The following CD300LD variants were observed in gnomAD, a reference collection of about 807,000 sequenced individuals.
CD300LD encodes CMRF35-like molecule 5.
A neutral mutation model predicts 20.3 loss-of-function variants in CD300LD; 18 were observed. The observed-to-expected ratio is 0.89, with a 90% CI of 0.61 to 1.32. The LOEUF is 1.32. Ranked by LOEUF, CD300LD falls within the 40% of genes most tolerant of loss-of-function variation. The probability of loss-of-function intolerance (pLI) is 0.00; values close to 1 mark genes in which losing one functional copy is unlikely to be tolerated. For synonymous variants in CD300LD, 104 were observed against 90.1 expected (o/e 1.15, Z -0.87); for missense variants, 195 against 226.6 (o/e 0.86, Z 0.90).
intron 2 of CD300LD, among the ~76,000 whole-genome samples, chr17:74,586,948 G>A (rs549117524): frequency 2.1e-4 from 32 of 152,164 alleles, no homozygotes; most frequent in South Asian, 1.9e-3. Context: ...TTGGGAGTTC[G>A]AGACCAGCCT....
rs200235728 is a variant in CD300LD, at chr17:74,588,523, T to C, written c.367A>G (p.Thr123Ala). The change falls in exon 2 of 4, where the codon ACC (threonine) becomes GCC (alanine). Residue 123 changes from threonine (T) to alanine (A), a missense_variant. Physicochemically the swap from Thr to Ala is moderately conservative, Grantham distance 58. Transcript: ENST00000375352. ...GIDLGVKVQV[T>A]INPGTQTAVS... ...CACTCCCTCTTACCTGGGTTAATGGTCACTTGAACTTTGACCCCAAGATCA... is the reference window on the plus strand; with the variant it reads ...CACTCCCTCTTACCTGGGTTAATGGCCACTTGAACTTTGACCCCAAGATCA... The C allele has an allele frequency of 6.2e-7, 1 of 1,609,196 alleles. No homozygotes were observed. The highest frequency in any genetic ancestry group is 8.5e-7 in the Non-Finnish European group (1 of 1,176,744).
At chr17:74,589,583 C>T (rs1237345706) in intron 1 of CD300LD, among the ~76,000 whole-genome samples, 5 of 152,214 alleles carry the variant, frequency 3.3e-5, no homozygotes, top group African/African-American at 7.2e-5. Flanking sequence ...CTAATTAGCT[C>T]CACTTTTCAA....
rs769991291 is a variant in CD300LD, at chr17:74,592,209, G to GTCTCC, written c.-12_-8dup. The GTCTCC allele has an allele frequency of 3.8e-5, 61 of 1,614,020 alleles. No homozygotes were observed. In the East Asian group the frequency reaches 3.8e-4, roughly 10 times the overall value. ...GAGATGGGGACAGCCACATGGTCCT[G>GTCTCC]TCTCCTCTCCTCTCCTTGGTGATCA... On this transcript the variant is annotated 5_prime_UTR_variant, in exon 1 of 4. Coordinates refer to ENST00000375352, the MANE Select transcript of CD300LD (RefSeq NM_001115152.2).
At chr17:74,583,273 G>A (rs1305203670) in intron 2 of CD300LD, among the ~76,000 whole-genome samples, 1 of 152,188 alleles carries the variant, frequency 6.6e-6, no homozygotes, top group African/African-American at 2.4e-5. Context: ...AGGCAATTAA[G>A]TTAAAATGAG....
chr17:74,586,020 A>G (rs900808187), intron 2 of CD300LD, among the ~76,000 whole-genome samples: 3 of 152,160 alleles, frequency 2.0e-5, no homozygotes, highest in African/African-American at 7.2e-5. Context: ...AATCTTTTTT[A>G]CATATCATGT....
chr17:74,584,515 C>A (rs1213255522), intron 2 of CD300LD, among the ~76,000 whole-genome samples: 1 of 152,176 alleles, frequency 6.6e-6, no homozygotes, highest in South Asian at 2.1e-4. Context: ...GGCAGTCACA[C>A]CCCAAGTGCT....
At chr17:74,589,637 C>T (rs1254666207) in intron 1 of CD300LD, among the ~76,000 whole-genome samples, 1 of 152,184 alleles carries the variant, frequency 6.6e-6, no homozygotes, top group Non-Finnish European at 1.5e-5. Context: ...AACTTGTCAG[C>T]CTAATCTTTC....
intron 2 of CD300LD, among the ~76,000 whole-genome samples, chr17:74,582,746 C>G (rs2030065076): frequency 6.6e-6 from 1 of 152,110 alleles, no homozygotes; most frequent in Non-Finnish European, 1.5e-5. Context: ...CAGCGCCCTC[C>G]ACCTCCGCTC....
chr17:74,586,178 A>T lies in CD300LD; in HGVS notation c.379+2333T>A, dbSNP rs115845093. Among the ~76,000 whole-genome samples, 545 of 152,310 alleles carry T rather than the reference A, an allele frequency of 3.6e-3. 6 individuals are homozygous for T. The highest frequency in any genetic ancestry group is 0.013 in the African/African-American group (530 of 41,574). On this transcript the variant is annotated intron_variant, in intron 2 of 3. Coordinates refer to ENST00000375352, the MANE Select transcript of CD300LD (RefSeq NM_001115152.2). The stretch of plus-strand genomic sequence containing the variant: ...GTAAATGTGCACTGGCATCTGTGAG[A>T]TGTACAAAAAACTCGGGAAATTTTC...
At chr17:74,591,717 G>T (rs1158250455) in intron 1 of CD300LD, among the ~76,000 whole-genome samples, 3 of 148,434 alleles carry the variant, frequency 2.0e-5, no homozygotes, top group Non-Finnish European at 4.4e-5. Flanking sequence ...CCATGAAAAA[G>T]AATGAAGCTT....
rs2030053687 is a variant in CD300LD at position 74,582,262 on chromosome 17, AG to A, written c.428del (p.Ala143ValfsTer36). ...TCTTCTGGGTGGCTGCAGCTGTGAA[AG>A]CCAGGCTTGCTGTTGTGGTTGTCCA... Reference protein sequence around the residue: ...SEWTTTTASLAFTAAATQKTS... With the variant: ...SEWTTTTASLXFTAAATQKTS... On this transcript the variant is annotated frameshift_variant, in exon 3 of 4. Coordinates refer to ENST00000375352, the MANE Select transcript of CD300LD (RefSeq NM_001115152.2). LOFTEE classifies it low-confidence loss of function (END_TRUNC). The A allele has an allele frequency of 6.2e-7, 1 of 1,613,756 alleles. No homozygotes were observed. Among genetic ancestry groups the A allele is most frequent in the Non-Finnish European group, 8.5e-7 (1 of 1,179,852 alleles).
Position 74,582,320 on chromosome 17 carries a change from A to G in CD300LD, c.380-9T>C, listed in dbSNP as rs533278550. ...GACTGCAGTTTGTGTGCCTAAACAT[A>G]CAAAGCAGAACACGGTTCACCCCTT... On this transcript the variant is annotated splice_polypyrimidine_tract_variant and intron_variant, in intron 2 of 3. Coordinates refer to ENST00000375352, the MANE Select transcript of CD300LD (RefSeq NM_001115152.2). 76 of 1,611,472 alleles carry G rather than the reference A, an allele frequency of 4.7e-5. No homozygotes were observed. The South Asian group carries it at 6.9e-4, about 15-fold the overall frequency.
At chr17:74,586,159 G>A (rs1349050579) in intron 2 of CD300LD, among the ~76,000 whole-genome samples, 2 of 152,204 alleles carry the variant, frequency 1.3e-5, no homozygotes, top group Non-Finnish European at 2.9e-5. Flanking sequence ...GATTGTAAAT[G>A]TGCACTGGCA....
Position 74,588,656 on chromosome 17 carries a change from T to C in CD300LD, c.234A>G (p.Arg78=), listed in dbSNP as rs1568023822. ...NGSEQEVKKN[R]VSIRDNQKNH... The stretch of plus-strand genomic sequence containing the variant: ...TTTTCTGATTGTCCCTGATGGAAAC[T>C]CGATTCTTCTTTACCTCCTGCTCTG... The change falls in exon 2 of 4, where the codon CGA becomes CGG. Residue 78 remains arginine (R), a synonymous_variant. Transcript: ENST00000375352. 1.9e-6 allele frequency: 3 copies of C among 1,614,186 alleles called. No individual in the cohort carries two copies. The South Asian group carries it at 3.3e-5, about 18-fold the overall frequency.
chr17:74,591,080 A>G (rs1245771216), intron 1 of CD300LD, among the ~76,000 whole-genome samples: 2 of 151,794 alleles, frequency 1.3e-5, no homozygotes, highest in East Asian at 3.9e-4. Context: ...TCTCAGAAGG[A>G]AGGAAAGGAA....
At chr17:74,588,408 T>C in intron 2 of CD300LD, 103 bp downstream of exon 2, 1 of 734,444 alleles carries the variant, frequency 1.4e-6, no homozygotes, top group Non-Finnish European at 2.3e-6. Flanking sequence ...ACACCCTCTG[T>C]CACAGGTCAC....
intron 1 of CD300LD, among the ~76,000 whole-genome samples, chr17:74,590,987 A>G (rs2030297731): frequency 6.6e-6 from 1 of 152,074 alleles, no homozygotes. Flanking sequence ...AGGTGGGAGG[A>G]TGGCTTGAGC....
chr17:74,585,722 T>C (rs114071254), intron 2 of CD300LD, among the ~76,000 whole-genome samples: 2,853 of 152,308 alleles, frequency 0.019, 33 homozygotes, highest in Non-Finnish European at 0.022. Flanking sequence ...GAATCTATAT[T>C]TGGTGCTATG....
At chr17:74,581,192 G>A (rs529061323) in intron 3 of CD300LD, among the ~76,000 whole-genome samples, 1 of 151,894 alleles carries the variant, frequency 6.6e-6, no homozygotes, top group African/African-American at 2.4e-5. Context: ...AAAAACAGTC[G>A]AGGAGTCCTA....
Sources: allele counts gnomAD v4.1 joint callset (sites outside exome capture counted in the v4.1 genomes callset), GRCh38; gene constraint gnomAD v4.1.1; transcripts MANE v1.5; gene names NCBI Gene and HGNC (gene_info 2026-07-23, HGNC 2026-07-21).